Variants in VWA5A observed in about 807,000 individuals in gnomAD.
VWA5A encodes von Willebrand factor A domain containing 5A, also known as von Willebrand factor A domain-containing protein 5A.
In VWA5A, 77 loss-of-function variants were observed where a neutral mutation model predicts 84.6. The ratio of observed to expected loss-of-function variants is 0.91; its 90% CI spans 0.76 to 1.10. VWA5A has a LOEUF of 1.10. Among genes scored for constraint, VWA5A ranks in the 50% least tolerant of loss-of-function variants. The pLI, the probability that VWA5A is intolerant of heterozygous loss-of-function variation, is 0.00. For synonymous variants in VWA5A, 334 were observed against 350.1 expected, an observed-to-expected ratio of 0.95 and a Z score of 0.51; for missense variants, 973 against 963.0, an observed-to-expected ratio of 1.01 and a Z score of -0.14.
intron 7 of VWA5A, among the ~76,000 whole-genome samples, chr11:124,121,009 C>A (rs1018860755): frequency 6.6e-6 from 1 of 152,208 alleles, no homozygotes; most frequent in Non-Finnish European, 1.5e-5. Context: ...TCCAGCAGGA[C>A]TGCTCAAGTC....
rs1860592164 is a variant in VWA5A at position 124,136,642 on chromosome 11, G to T, written c.1593G>T (p.Val531=). The T allele has an allele frequency of 6.2e-7, 1 of 1,614,008 alleles. No individual in the cohort carries two copies. The highest frequency in any genetic ancestry group is 1.1e-5 in the South Asian group (1 of 91,082). Reference sequence around the variant, plus strand: ...AGGGCAAGACTTTTGAGGATAAGGTGACATTTCCTCTACAACCCAAGCCTG... The same window carrying T: ...AGGGCAAGACTTTTGAGGATAAGGTTACATTTCCTCTACAACCCAAGCCTG... ...TLQGKTFEDK[V]TFPLQPKPDV... The change falls in exon 14 of 19, where the codon GTG becomes GTT. Residue 531 remains valine, a synonymous_variant. Coordinates refer to ENST00000456829, the MANE Select transcript of VWA5A (RefSeq NM_001130142.2).
At chr11:124,121,344 T>G (rs939390344) in intron 7 of VWA5A, among the ~76,000 whole-genome samples, 4 of 152,182 alleles carry the variant, frequency 2.6e-5, no homozygotes, top group Admixed American at 2.6e-4. Flanking sequence ...CTGAGTTCCT[T>G]AAGTACATTA....
At chr11:124,136,025 G>A in intron 12 of VWA5A, 104 bp from the exon 13 acceptor site, 2 of 1,299,532 alleles carry the variant, frequency 1.5e-6, no homozygotes, top group Non-Finnish European at 2.2e-6. Flanking sequence ...GAGTAGGCAT[G>A]ACATGTATTA....
At position 124,137,071 on chromosome 11, in the gene VWA5A, T is replaced by A. The variant is rs1229237549; in HGVS notation, c.1682T>A (p.Leu561His). ...KSLLQTKDMGLRETPASDKKD... is the reference protein window; with the variant it reads ...KSLLQTKDMGHRETPASDKKD... Reference sequence around the variant, plus strand: ...TTGCTCCAGACCAAGGACATGGGCCTCAGGGAGACTCCAGCAAGTGATAAA... The same window carrying A: ...TTGCTCCAGACCAAGGACATGGGCCACAGGGAGACTCCAGCAAGTGATAAA... The change falls in exon 15 of 19, where the codon CTC becomes CAC. Residue 561 changes from leucine to histidine, a missense_variant. By Grantham distance (99) the Leu-to-His change is moderately conservative (BLOSUM62 -3). Coordinates refer to ENST00000456829, the MANE Select transcript of VWA5A (RefSeq NM_001130142.2). The A allele has an allele frequency of 1.9e-6, 3 of 1,613,542 alleles. No individual in the cohort carries two copies. The highest frequency in any genetic ancestry group is 2.5e-6 in the Non-Finnish European group (3 of 1,179,884).
intron 2 of VWA5A, 24 bp from the exon 3 acceptor site, chr11:124,117,473 G>A (rs1380435490): frequency 6.2e-7 from 1 of 1,611,644 alleles, no homozygotes; most frequent in Admixed American, 1.7e-5. Flanking sequence ...CATGTCCTCT[G>A]TTTGTGATAT....
chr11:124,136,888 C>G, intron 14 of VWA5A, 127 bp from the exon 15 acceptor site: 1 of 1,339,154 alleles, frequency 7.5e-7, no homozygotes, highest in Non-Finnish European at 1.0e-6. Flanking sequence ...CTAAACCACC[C>G]AAGTCTTCTC....
chr11:124,145,850 T>G lies in VWA5A; in HGVS notation c.2282-16T>G. 1 of 1,568,552 alleles carries G rather than the reference T, an allele frequency of 6.4e-7. No homozygotes were observed. The highest frequency in any genetic ancestry group is 8.7e-7 in the Non-Finnish European group (1 of 1,153,688). ...TGCAATCCTTCATCCCTGCTTCTTG[T>G]TTTTCCTCACCACAGGCTCCACCAT... On this transcript the variant is annotated splice_polypyrimidine_tract_variant and intron_variant, in intron 18 of 18. Coordinates refer to ENST00000456829, the MANE Select transcript of VWA5A (RefSeq NM_001130142.2).
chr11:124,134,859 T>C, intron 11 of VWA5A, 61 bp from the exon 12 acceptor site: 3 of 1,324,528 alleles, frequency 2.3e-6, no homozygotes, highest in Non-Finnish European at 3.1e-6. Context: ...CCATTATGTA[T>C]TAATTTTATA....
intron 15 of VWA5A, among the ~76,000 whole-genome samples, chr11:124,139,784 TTTTA>T (rs1277553894): frequency 1.3e-5 from 2 of 152,124 alleles, no homozygotes; most frequent in Admixed American, 6.5e-5. Flanking sequence ...TCTAGATTCT[TTTTA>T]TTTATTTCTC....
chr11:124,123,641 G>T lies in VWA5A; in HGVS notation c.1020-19G>T. ...GGTTAAGTAACCCTCATGTAACTGG[G>T]TGTGTTTGTTTTTCTCAGGGAGAGT... On this transcript the variant is annotated intron_variant, in intron 9 of 18. Transcript: ENST00000456829. 2 of 1,614,134 alleles carry T rather than the reference G, an allele frequency of 1.2e-6. No homozygotes were observed. Among genetic ancestry groups the T allele is most frequent in the South Asian group, 1.1e-5 (1 of 91,086 alleles).
chr11:124,127,002 G>T (rs1865027648), intron 11 of VWA5A, among the ~76,000 whole-genome samples: 1 of 152,104 alleles, frequency 6.6e-6, no homozygotes, highest in Non-Finnish European at 1.5e-5. Flanking sequence ...TTATCTAAAT[G>T]CAGGCCATAT....
At chr11:124,129,016 T>C (rs1865059414) in intron 11 of VWA5A, among the ~76,000 whole-genome samples, 1 of 152,194 alleles carries the variant, frequency 6.6e-6, no homozygotes, top group Admixed American at 6.5e-5. Flanking sequence ...TCCAATACTA[T>C]GTTGAATAGG....
At chr11:124,125,258 T>C (rs982403941) in intron 11 of VWA5A, among the ~76,000 whole-genome samples, 2 of 151,982 alleles carry the variant, frequency 1.3e-5, no homozygotes, top group South Asian at 4.2e-4. Context: ...ATTTTAGTTT[T>C]GTGTGTGTGT....
Position 124,118,670 on chromosome 11 carries a change from C to A in VWA5A, c.607C>A (p.Pro203Thr), listed in dbSNP as rs1864881672. The A allele has an allele frequency of 6.2e-7, 1 of 1,613,926 alleles. No homozygotes were observed. Among genetic ancestry groups the A allele is most frequent in the Admixed American group, 1.7e-5 (1 of 59,990 alleles). ...EKVQSNCPLS[P>T]TEYLGEDKTS... Reference sequence around the variant, plus strand: ...GGTCCAATCCAACTGCCCCTTGAGTCCTACCGAGTACCTAGGAGAGGACAA... The same window carrying A: ...GGTCCAATCCAACTGCCCCTTGAGTACTACCGAGTACCTAGGAGAGGACAA... The change falls in exon 6 of 19, where the codon CCT becomes ACT. Residue 203 changes from proline (P) to threonine (T), a missense_variant. Transcript: ENST00000456829.
At chr11:124,132,248 A>G (rs1212390888) in intron 11 of VWA5A, among the ~76,000 whole-genome samples, 1 of 152,052 alleles carries the variant, frequency 6.6e-6, no homozygotes, top group Non-Finnish European at 1.5e-5. Context: ...CAGTTGGATA[A>G]TACTTTTTTC....
chr11:124,120,988 T>C (rs1299536626), intron 7 of VWA5A, among the ~76,000 whole-genome samples: 2 of 152,166 alleles, frequency 1.3e-5, no homozygotes, highest in East Asian at 3.9e-4. Flanking sequence ...TTTACAGTCT[T>C]GTGAATCCCT....
At chr11:124,124,505 A>G in intron 11 of VWA5A, 189 bp downstream of exon 11, 1 of 1,349,490 alleles carries the variant, frequency 7.4e-7, no homozygotes, top group Non-Finnish European at 9.5e-7. Context: ...TCAACAACAC[A>G]GCAAAACCAT....
intron 17 of VWA5A, among the ~76,000 whole-genome samples, chr11:124,143,699 A>G (rs1860769098): frequency 6.6e-6 from 1 of 152,214 alleles, no homozygotes; most frequent in Non-Finnish European, 1.5e-5. Context: ...TTAAAATTAC[A>G]TATGTTTCTA....
At chr11:124,121,153 T>G (rs745618757) in intron 7 of VWA5A, among the ~76,000 whole-genome samples, 1 of 152,182 alleles carries the variant, frequency 6.6e-6, no homozygotes, top group Non-Finnish European at 1.5e-5. Context: ...CCTACAGATA[T>G]ATGACAAAAA....
Sources: gnomAD v4.1 joint callset for allele counts (sites outside exome capture counted in the v4.1 genomes callset) on GRCh38, gnomAD v4.1.1 for gene constraint, MANE v1.5 for transcripts, NCBI Gene and HGNC (gene_info 2026-07-23, HGNC 2026-07-21) for gene names.